Variants in CIB4 observed in about 807,000 individuals in gnomAD.
The protein encoded by CIB4 is calcium and integrin-binding family member 4.
Under a neutral mutation model 25.8 loss-of-function variants are expected in CIB4, and 25 were observed. The ratio of observed to expected loss-of-function variants is 0.97; its 90% CI spans 0.71 to 1.35. The LOEUF is 1.35. Among genes scored for constraint, CIB4 ranks in the 40% most tolerant of loss-of-function variants. The pLI is 0.00. For synonymous variants in CIB4, 75 were observed against 81.4 expected, an observed-to-expected ratio of 0.92 and a Z score of 0.42; for missense variants, 235 against 228.2, an observed-to-expected ratio of 1.03 and a Z score of -0.19.
chr2:26,629,517 A>G lies in CIB4; in HGVS notation c.90-11T>C, dbSNP rs371590688. On this transcript the variant is annotated splice_polypyrimidine_tract_variant and intron_variant, in intron 2 of 6. Transcript: ENST00000288861. ...AAGGTGTCATGGATGCTGAAAAGAG[A>G]GGCATGAAGACCGTGTGGCCGGGGA... is the stretch of plus-strand genomic sequence containing the variant. 3.2e-6 allele frequency: 5 copies of G among 1,544,752 alleles called. No individual in the cohort carries two copies. The African/African-American group carries it at 6.8e-5, about 21-fold the overall frequency.
intron 3 of CIB4, among the ~76,000 whole-genome samples, chr2:26,625,369 T>G (rs1301552207): frequency 1.8e-5 from 2 of 111,902 alleles, no homozygotes; most frequent in East Asian, 2.5e-4. Flanking sequence ...TTTTTTTTTT[T>G]GAGATGGAGT....
chr2:26,633,577 G>A (rs961736751), intron 2 of CIB4, among the ~76,000 whole-genome samples: 3 of 152,190 alleles, frequency 2.0e-5, no homozygotes, highest in African/African-American at 7.2e-5. Context: ...AGGCTGCAGA[G>A]TGGGCGGGCT....
At chr2:26,624,664 T>C (rs933685203) in intron 3 of CIB4, among the ~76,000 whole-genome samples, 3 of 143,374 alleles carry the variant, frequency 2.1e-5, no homozygotes, top group Non-Finnish European at 4.5e-5. Flanking sequence ...AGTTGGCATC[T>C]CTAGTCCTGC....
chr2:26,618,935 C>G (rs1669149130), intron 3 of CIB4, among the ~76,000 whole-genome samples: 1 of 152,204 alleles, frequency 6.6e-6, no homozygotes, highest in African/African-American at 2.4e-5. Flanking sequence ...CATCTGGGCC[C>G]CAGCTTTGGG....
intron 6 of CIB4, among the ~76,000 whole-genome samples, 183 bp downstream of exon 6, chr2:26,582,642 C>T (rs1430341525): frequency 1.3e-5 from 2 of 152,174 alleles, no homozygotes; most frequent in South Asian, 2.1e-4. Context: ...TTTTAATACC[C>T]CAGGGTTACC....
intron 4 of CIB4, 130 bp downstream of exon 4, chr2:26,595,046 C>G (rs561673809): frequency 4.8e-6 from 4 of 835,560 alleles, no homozygotes; most frequent in Non-Finnish European, 7.5e-6. Context: ...CAAAATATGA[C>G]ACAGACCCAC....
intron 4 of CIB4, among the ~76,000 whole-genome samples, chr2:26,593,335 T>C (rs970313652): frequency 7.9e-5 from 12 of 151,914 alleles, no homozygotes; most frequent in African/African-American, 2.7e-4. Context: ...TATGTGTGTG[T>C]GTGTATATAT....
chr2:26,619,117 A>G (rs902959024), intron 3 of CIB4, among the ~76,000 whole-genome samples: 8 of 152,194 alleles, frequency 5.3e-5, no homozygotes, highest in African/African-American at 1.9e-4. Context: ...ATGGATGAGA[A>G]CCAGGCGTGG....
intron 3 of CIB4, among the ~76,000 whole-genome samples, chr2:26,601,056 C>A (rs1439960543): frequency 4.0e-5 from 6 of 150,758 alleles, no homozygotes; most frequent in South Asian, 4.2e-4. Flanking sequence ...CCTGTCTCTA[C>A]AAAAAAAATT....
At chr2:26,594,241 C>T (rs1029059899) in intron 4 of CIB4, among the ~76,000 whole-genome samples, 4 of 152,186 alleles carry the variant, frequency 2.6e-5, no homozygotes, top group Non-Finnish European at 4.4e-5. Context: ...TAGGAGTTTA[C>T]TCAGCCATTC....
chr2:26,591,172 G>T (rs113821032), intron 4 of CIB4, among the ~76,000 whole-genome samples: 2,831 of 152,328 alleles, frequency 0.019, 93 homozygotes, highest in African/African-American at 0.065. Context: ...CACCCCAGTG[G>T]CAGGCCTCTG....
At chr2:26,619,123 C>A (rs78188188) in intron 3 of CIB4, among the ~76,000 whole-genome samples, 20 of 152,190 alleles carry the variant, frequency 1.3e-4, no homozygotes, top group African/African-American at 4.6e-4. Flanking sequence ...GAGAACCAGG[C>A]GTGGGAGCCT....
chr2:26,582,176 C>T (rs563828662), intron 6 of CIB4, among the ~76,000 whole-genome samples: 17 of 152,302 alleles, frequency 1.1e-4, no homozygotes, highest in African/African-American at 3.6e-4. Flanking sequence ...TTGAAATCAG[C>T]GCACCTCTGA....
At chr2:26,613,203 C>A (rs1669029727) in intron 3 of CIB4, among the ~76,000 whole-genome samples, 1 of 152,184 alleles carries the variant, frequency 6.6e-6, no homozygotes, top group African/African-American at 2.4e-5. Flanking sequence ...TTTCTCTCGA[C>A]TGAGCCTCCT....
intron 3 of CIB4, among the ~76,000 whole-genome samples, chr2:26,606,357 C>T (rs1668890045): frequency 6.6e-6 from 1 of 152,022 alleles, no homozygotes; most frequent in South Asian, 2.1e-4. Flanking sequence ...ACAAAGGGCT[C>T]GGAAGGAGAA....
At chr2:26,622,181 T>A (rs1340606008) in intron 3 of CIB4, among the ~76,000 whole-genome samples, 1 of 151,584 alleles carries the variant, frequency 6.6e-6, no homozygotes, top group African/African-American at 2.4e-5. Flanking sequence ...GCCTACATGG[T>A]GAAACCCTGT....
intron 3 of CIB4, among the ~76,000 whole-genome samples, chr2:26,609,764 T>C (rs561330408): frequency 2.0e-5 from 3 of 152,234 alleles, no homozygotes; most frequent in Non-Finnish European, 4.4e-5. Context: ...GCTGTTGTAC[T>C]ATGAGTAGCT....
At chr2:26,585,134 C>T (rs1348617076) in intron 4 of CIB4, among the ~76,000 whole-genome samples, 1 of 152,158 alleles carries the variant, frequency 6.6e-6, no homozygotes, top group Non-Finnish European at 1.5e-5. Context: ...CTCAGGGCTG[C>T]CTAAATGGGT....
chr2:26,641,353 A>C lies in CIB4; in HGVS notation c.-39T>G. 1.9e-6 allele frequency: 3 copies of C among 1,580,792 alleles called. No individual in the cohort carries two copies. Among genetic ancestry groups the C allele is most frequent in the African/African-American group, 1.3e-5 (1 of 74,342 alleles). On this transcript the variant is annotated 5_prime_UTR_variant, in exon 1 of 7. Coordinates refer to ENST00000288861, the MANE Select transcript of CIB4 (RefSeq NM_001029881.3). ...TTCTGTCTGCCAGCAGTAGAACCTCAGCCTCAAGGACTCGCCAGCTGAGGC... is the reference window on the plus strand; with the variant it reads ...TTCTGTCTGCCAGCAGTAGAACCTCCGCCTCAAGGACTCGCCAGCTGAGGC...
Sources: gnomAD v4.1 joint callset for allele counts (sites outside exome capture counted in the v4.1 genomes callset) on GRCh38, gnomAD v4.1.1 for gene constraint, MANE v1.5 for transcripts, NCBI Gene and HGNC (gene_info 2026-07-23, HGNC 2026-07-21) for gene names.